Variants in RUSC2 observed in about 807,000 individuals in gnomAD.
RUSC2 encodes AP-4 complex accessory subunit RUSC2.
RUSC2 carries 34 observed loss-of-function variants against 122.2 expected under a neutral mutation model. The ratio of observed to expected loss-of-function variants is 0.28; its 90% confidence interval spans 0.21 to 0.37. The LOEUF (loss-of-function observed/expected upper bound fraction) is 0.37. Among genes scored for constraint, RUSC2 ranks in the 10% least tolerant of loss-of-function variants. RUSC2 has a pLI of 1.00. For synonymous variants in RUSC2, 784 were observed against 790.0 expected, an observed-to-expected ratio of 0.99 and a Z score of 0.13; for missense variants, 1,747 against 1,952.4, an observed-to-expected ratio of 0.89 and a Z score of 1.98.
chr9:35,509,339 A>G, intron 1 of RUSC2, among the ~76,000 whole-genome samples: 1 of 152,148 alleles, frequency 6.6e-6, no homozygotes, highest in Middle Eastern at 3.2e-3. Flanking sequence ...ATGTCTGGAA[A>G]TAATTAGATC....
rs372452267 is a variant in RUSC2, at chr9:35,558,393, G to T, written c.3235+22G>T. ...CTAGGTAGGTGCTGGGTGCCAAGAC[G>T]GGGACCCAGGGCTGAATTTAGGGCT... On this transcript the variant is annotated intron_variant, in intron 7 of 11. Coordinates refer to ENST00000361226, the MANE Select transcript of RUSC2 (RefSeq NM_014806.5). The surrounding 1 kb of genome is among the most constrained non-coding windows in gnomAD (Gnocchi z 4.3). 1 of 1,613,680 alleles carries T rather than the reference G, an allele frequency of 6.2e-7. No homozygotes were observed. Among genetic ancestry groups the T allele is most frequent in the Non-Finnish European group, 8.5e-7 (1 of 1,179,732 alleles).
intron 1 of RUSC2, among the ~76,000 whole-genome samples, chr9:35,528,421 T>C (rs527482117): frequency 1.8e-4 from 27 of 151,822 alleles, no homozygotes; most frequent in African/African-American, 6.3e-4. Flanking sequence ...CAGGATCTCA[T>C]ATTTTTCATA....
At chr9:35,515,737 ACCTATAATTCCGACACT>A (rs1193336129) in intron 1 of RUSC2, among the ~76,000 whole-genome samples, 7 of 152,044 alleles carry the variant, frequency 4.6e-5, no homozygotes, top group Admixed American at 2.6e-4. Flanking sequence ...AGTGGTTCAC[ACCTATAATTCCGACACT>A]TTGGGAGGCT....
At chr9:35,515,698 G>A (rs565031035) in intron 1 of RUSC2, among the ~76,000 whole-genome samples, 1 of 151,920 alleles carries the variant, frequency 6.6e-6, no homozygotes, top group Admixed American at 6.6e-5. Context: ...TTATCATGAG[G>A]ATTAGAAATG....
intron 2 of RUSC2, among the ~76,000 whole-genome samples, chr9:35,552,458 A>G (rs1372025127): frequency 6.6e-6 from 1 of 152,254 alleles, no homozygotes; most frequent in Non-Finnish European, 1.5e-5. Context: ...GATCTTACTG[A>G]ATCTTGAAAG....
Position 35,561,550 on chromosome 9 carries a change from A to G in RUSC2, c.*168A>G. The G allele has an allele frequency of 8.1e-6, 5 of 618,474 alleles. No individual in the cohort carries two copies. The South Asian group carries it at 9.9e-5, about 12-fold the overall frequency. The allele number at this position is 618,474 out of a possible 1,614,324, so 38.3% of individuals were successfully genotyped here. A position where few individuals can be genotyped will look rare whatever the true frequency, so the allele number is the denominator to read the frequency against. On this transcript the variant is annotated 3_prime_UTR_variant, in exon 12 of 12. Transcript: ENST00000361226. Reference sequence around the variant, plus strand: ...GCTCAGTATTAATTACGCCCCCTTAACTGTCCCAGTGACCTTGTCCAGACC... The same window carrying G: ...GCTCAGTATTAATTACGCCCCCTTAGCTGTCCCAGTGACCTTGTCCAGACC...
intron 8 of RUSC2, 69 bp from the exon 9 acceptor site, chr9:35,559,157 C>T: frequency 1.6e-6 from 2 of 1,261,014 alleles, no homozygotes; most frequent in Non-Finnish European, 2.3e-6. Context: ...GTGCCTGACC[C>T]CCTGGATCTG....
At chr9:35,516,731 A>C (rs1037242095) in intron 1 of RUSC2, among the ~76,000 whole-genome samples, 3 of 152,228 alleles carry the variant, frequency 2.0e-5, no homozygotes, top group Non-Finnish European at 4.4e-5. Context: ...CACCAGGGTC[A>C]GAATTCTAAG....
intron 1 of RUSC2, among the ~76,000 whole-genome samples, chr9:35,521,842 A>G (rs1005758285): frequency 1.3e-5 from 2 of 152,276 alleles, no homozygotes; most frequent in African/African-American, 4.8e-5. Context: ...AGTTAGAAAC[A>G]GTGGCCTCCT....
intron 1 of RUSC2, among the ~76,000 whole-genome samples, chr9:35,494,922 AT>A (rs1224416319): frequency 7.5e-6 from 1 of 132,606 alleles, no homozygotes; most frequent in Non-Finnish European, 1.6e-5. Flanking sequence ...TATTATACAT[AT>A]TATATAAAAT....
chr9:35,521,147 G>C (rs1451792611), intron 1 of RUSC2, among the ~76,000 whole-genome samples: 1 of 152,076 alleles, frequency 6.6e-6, no homozygotes, highest in Non-Finnish European at 1.5e-5. Context: ...ACACTGCATA[G>C]GAACCTTCCC....
At position 35,560,355 on chromosome 9, in the gene RUSC2, G is replaced by C. The variant is rs755989315; in HGVS notation, c.3715G>C (p.Glu1239Gln). The change falls in exon 10 of 12, where the codon GAA becomes CAA. Residue 1239 changes from glutamate (E) to glutamine (Q), a missense_variant. By Grantham distance (29) the Glu-to-Gln change is conservative. Transcript: ENST00000361226. ...GGGTGTGGGTGCCTCAGAAGGTGGA[G>C]AAGAGGAAGAGGAAGAAGAGGAGAC... ...VKGVGASEGGEEEEEEEETEE... is the reference protein window; with the variant it reads ...VKGVGASEGGQEEEEEEETEE... 2 of 1,601,350 alleles carry C rather than the reference G, an allele frequency of 1.2e-6. No homozygotes were observed. Among genetic ancestry groups the C allele is most frequent in the Non-Finnish European group, 1.7e-6 (2 of 1,177,916 alleles).
chr9:35,561,013 A>G lies in RUSC2; in HGVS notation c.4265A>G (p.Gln1422Arg). The G allele has an allele frequency of 1.2e-6, 2 of 1,614,190 alleles. No homozygotes were observed. Among genetic ancestry groups the G allele is most frequent in the South Asian group, 1.1e-5 (1 of 91,084 alleles). Residue 1422 changes from glutamine (Q) to arginine (R), a missense_variant, in exon 11 of 12, where the codon CAG (glutamine) becomes CGG (arginine). Transcript: ENST00000361226. Reference sequence around the variant, plus strand: ...AAGTCCATGTTCCAACTAGTGGCGCAGACAGTGGGTTCCCGCCGGGAGCCA... The same window carrying G: ...AAGTCCATGTTCCAACTAGTGGCGCGGACAGTGGGTTCCCGCCGGGAGCCA... ...LDKSMFQLVAQTVGSRREPEP... is the reference protein window; with the variant it reads ...LDKSMFQLVARTVGSRREPEP...
chr9:35,551,518 T>C (rs1821895152), intron 2 of RUSC2, among the ~76,000 whole-genome samples: 1 of 152,154 alleles, frequency 6.6e-6, no homozygotes, highest in South Asian at 2.1e-4. Flanking sequence ...GACTGCAGTG[T>C]CTGTCTGCTG....
chr9:35,561,395 G>T lies in RUSC2; in HGVS notation c.*13G>T. ...CAGCCAAAACTGAGGCCCTGTGCATGCTGGTGGCCTCAGGGACCCTCATAA... is the reference window on the plus strand; with the variant it reads ...CAGCCAAAACTGAGGCCCTGTGCATTCTGGTGGCCTCAGGGACCCTCATAA... On this transcript the variant is annotated 3_prime_UTR_variant, in exon 12 of 12. Coordinates refer to ENST00000361226, the MANE Select transcript of RUSC2 (RefSeq NM_014806.5). 6.3e-7 allele frequency: 1 copy of T among 1,598,200 alleles called. No individual in the cohort carries two copies. The highest frequency in any genetic ancestry group is 8.5e-7 in the Non-Finnish European group (1 of 1,171,820).
At chr9:35,551,752 T>G (rs1219728525) in intron 2 of RUSC2, among the ~76,000 whole-genome samples, 2 of 152,128 alleles carry the variant, frequency 1.3e-5, no homozygotes, top group Non-Finnish European at 2.9e-5. Flanking sequence ...AATCTAGGAA[T>G]GACAGTATAG....
intron 2 of RUSC2, among the ~76,000 whole-genome samples, chr9:35,554,119 C>T (rs753976652): frequency 9.9e-5 from 15 of 152,170 alleles, no homozygotes; most frequent in Non-Finnish European, 1.9e-4. Context: ...GGCTTTAGGC[C>T]GGGTGCGTGC....
rs527406769 is a variant in RUSC2 at position 35,533,240 on chromosome 9, C to CT, written c.-92-13189dup. ...CCAGCCTGGGTGACAGAGCGAGACT[C>CT]TGTCTCAAAAAAAAAAAAAAGAAGA... is the stretch of plus-strand genomic sequence containing the variant. On this transcript the variant is annotated intron_variant, in intron 1 of 11. Transcript: ENST00000361226. Among the ~76,000 whole-genome samples, 280 of 92,396 alleles carry CT rather than the reference C, an allele frequency of 3.0e-3. 4 individuals carry two copies. The highest frequency in any genetic ancestry group is 0.012 in the South Asian group (35 of 2,938). 60.6% of individuals were successfully genotyped at this position (92,396 alleles called of 152,430 possible). A position where few individuals can be genotyped will look rare whatever the true frequency, so the allele number is the denominator to read the frequency against.
At chr9:35,542,987 T>C (rs139270744) in intron 1 of RUSC2, among the ~76,000 whole-genome samples, 1 of 152,352 alleles carries the variant, frequency 6.6e-6, no homozygotes, top group Non-Finnish European at 1.5e-5. Flanking sequence ...AGGTCAGTGA[T>C]GGCTGCAACC....
Sources: allele counts gnomAD v4.1 joint callset (sites outside exome capture counted in the v4.1 genomes callset), GRCh38; gene constraint gnomAD v4.1.1; non-coding constraint Gnocchi (gnomAD v3.1); transcripts MANE v1.5; gene names NCBI Gene and HGNC (gene_info 2026-07-23, HGNC 2026-07-21).